PRKN: variants seen among roughly 807,000 people sequenced by gnomAD.
PRKN encodes the protein E3 ubiquitin-protein ligase parkin.
Under a neutral mutation model 59.5 loss-of-function variants are expected in PRKN, and 56 were observed. The ratio of observed to expected loss-of-function variants is 0.94; its 90% CI spans 0.76 to 1.18. PRKN has a LOEUF of 1.18. Among genes scored for constraint, PRKN ranks in the 50% most tolerant of loss-of-function variants. PRKN has a pLI of 0.00. For synonymous variants in PRKN, 250 were observed against 222.1 expected, an observed-to-expected ratio of 1.13 and a Z score of -1.12; for missense variants, 657 against 596.4, an observed-to-expected ratio of 1.10 and a Z score of -1.06.
chr6:162,623,139 G>A (rs546505733), intron 1 of PRKN, among the ~76,000 whole-genome samples: 2 of 152,222 alleles, frequency 1.3e-5, no homozygotes, highest in Admixed American at 6.5e-5. Context: ...GATCTTGTTC[G>A]TTAGCTTCTT....
In PRKN at chr6:161,582,527, C is replaced by A. The variant is rs13211948; in HGVS notation, c.872-13111G>T. Among the ~76,000 whole-genome samples, 46,095 of 151,340 alleles carry A rather than the reference C, an allele frequency of 0.3. 7,855 individuals carry two copies. Among genetic ancestry groups the A allele is most frequent in the Middle Eastern group, 0.45 (131 of 288 alleles). On this transcript the variant is annotated intron_variant, in intron 7 of 11. Transcript: ENST00000366898. The surrounding 1 kb of genome is among the most constrained non-coding windows in gnomAD (Gnocchi z 4.4). ...CTGCAAGCTCCGCCTCCCAGGTTCA[C>A]GCCATTCTCCTGCCTCAGCCTCCCA... is the stretch of plus-strand genomic sequence containing the variant.
intron 5 of PRKN, among the ~76,000 whole-genome samples, chr6:162,045,720 G>A (rs1391520891): frequency 2.6e-5 from 4 of 152,192 alleles, no homozygotes; most frequent in Admixed American, 1.3e-4. Flanking sequence ...GATGAAGTGC[G>A]GGTCCCTGGG....
chr6:162,210,390 T>G (rs1411419728), intron 3 of PRKN, among the ~76,000 whole-genome samples: 1 of 152,130 alleles, frequency 6.6e-6, no homozygotes, highest in Non-Finnish European at 1.5e-5. Context: ...TTTATTTGTA[T>G]TTGCTGCCAA....
At chr6:161,831,165 C>T (rs926219103) in intron 6 of PRKN, among the ~76,000 whole-genome samples, 8 of 152,172 alleles carry the variant, frequency 5.3e-5, no homozygotes, top group Non-Finnish European at 8.8e-5. Context: ...TACTTTCTAA[C>T]CAAGAGATGC....
intron 7 of PRKN, among the ~76,000 whole-genome samples, chr6:161,585,468 A>G (rs1781488567): frequency 6.6e-6 from 1 of 152,220 alleles, no homozygotes; most frequent in African/African-American, 2.4e-5. Flanking sequence ...GATATGTCAT[A>G]CCAAAGAGAA....
intron 6 of PRKN, among the ~76,000 whole-genome samples, chr6:161,948,243 T>C (rs1472288831): frequency 6.6e-6 from 1 of 152,184 alleles, no homozygotes; most frequent in African/African-American, 2.4e-5. Context: ...CACCTCAGCC[T>C]CCCAAAGTGC....
rs144737029 is a variant in PRKN, at chr6:161,542,628, C to T, written c.1083+6226G>A. 1.7e-3 allele frequency among the ~76,000 whole-genome samples: 253 copies of T among 152,282 alleles called. 2 individuals are homozygous for T. Among genetic ancestry groups the T allele is most frequent in the African/African-American group, 5.9e-3 (245 of 41,564 alleles). ...ACACATGTCAAATAAACATGGACTG[C>T]ATATTTTTGACATTTCATAACACCA... On this transcript the variant is annotated intron_variant, in intron 9 of 11. Transcript: ENST00000366898.
At chr6:161,826,347 T>C (rs1792244999) in intron 6 of PRKN, among the ~76,000 whole-genome samples, 1 of 152,196 alleles carries the variant, frequency 6.6e-6, no homozygotes, top group South Asian at 2.1e-4. Context: ...AAAATGAGCT[T>C]TATTTTGATA....
At chr6:161,777,323 A>G (rs1022044582) in intron 7 of PRKN, among the ~76,000 whole-genome samples, 1 of 152,152 alleles carries the variant, frequency 6.6e-6, no homozygotes, top group African/African-American at 2.4e-5. Flanking sequence ...ATGAGTTCAC[A>G]CTAGGAGAGC....
intron 1 of PRKN, among the ~76,000 whole-genome samples, chr6:162,681,915 CCTTT>C (rs1386892601): frequency 6.6e-6 from 1 of 151,880 alleles, no homozygotes; most frequent in Non-Finnish European, 1.5e-5. Context: ...TTCATTCTTT[CCTTT>C]CTTTGTTTGT....
At chr6:161,902,550 T>TATCTATCTATGTATCTATC (rs1554245408) in intron 6 of PRKN, among the ~76,000 whole-genome samples, 1 of 101,360 alleles carries the variant, frequency 9.9e-6, no homozygotes. Flanking sequence ...ATCTATCTAT[T>TATCTATCTATGTATCTATC]TATTTATTTA....
At chr6:162,050,528 T>C (rs573455254) in intron 5 of PRKN, among the ~76,000 whole-genome samples, 9 of 152,028 alleles carry the variant, frequency 5.9e-5, no homozygotes, top group African/African-American at 2.2e-4. Context: ...ATCCCTTGAA[T>C]GGTTATACTA....
chr6:161,466,992 C>T lies in PRKN; in HGVS notation c.1084-80115G>A, dbSNP rs546001662. 4.6e-5 allele frequency among the ~76,000 whole-genome samples: 7 copies of T among 152,168 alleles called. No homozygotes were observed. The highest frequency in any genetic ancestry group is 1.0e-4 in the Non-Finnish European group (7 of 68,038). On this transcript the variant is annotated intron_variant, in intron 9 of 11. Coordinates refer to ENST00000366898, the MANE Select transcript of PRKN (RefSeq NM_004562.3). The surrounding 1 kb of genome is among the most constrained non-coding windows in gnomAD (Gnocchi z 5.0). ...ATCAAGAGGTTCCTGTCTAGATTCG[C>T]GTCCTTATATACAAGCCAACTTCTC...
intron 9 of PRKN, among the ~76,000 whole-genome samples, chr6:161,433,244 T>C (rs142591279): frequency 6.6e-6 from 1 of 152,304 alleles, no homozygotes; most frequent in East Asian, 1.9e-4. Flanking sequence ...GAAATTCATA[T>C]TGAGGGCTGT....
intron 1 of PRKN, among the ~76,000 whole-genome samples, chr6:162,710,706 C>T (rs1778504672): frequency 6.6e-6 from 1 of 152,114 alleles, no homozygotes; most frequent in African/African-American, 2.4e-5. Flanking sequence ...AGAACTGCTG[C>T]AGAGGCCCCT....
chr6:162,402,619 G>A (rs1787850269), intron 2 of PRKN, among the ~76,000 whole-genome samples: 1 of 150,730 alleles, frequency 6.6e-6, no homozygotes, highest in Admixed American at 6.6e-5. Flanking sequence ...GTAGGGGTTT[G>A]TGTCTTTCCT....
intron 4 of PRKN, among the ~76,000 whole-genome samples, chr6:162,132,588 CGTT>C (rs1047291081): frequency 1.3e-5 from 2 of 151,996 alleles, no homozygotes; most frequent in Non-Finnish European, 2.9e-5. Flanking sequence ...ATAATAACGA[CGTT>C]GTAACTAGCA....
chr6:162,038,875 C>A (rs1283331229), intron 5 of PRKN, among the ~76,000 whole-genome samples: 1 of 152,154 alleles, frequency 6.6e-6, no homozygotes, highest in African/African-American at 2.4e-5. Flanking sequence ...TCCTTGCTGG[C>A]CGGGCGCGGT....
chr6:162,230,243 C>A (rs927369207), intron 3 of PRKN, among the ~76,000 whole-genome samples: 1 of 152,184 alleles, frequency 6.6e-6, no homozygotes, highest in African/African-American at 2.4e-5. Flanking sequence ...CCAGTGAATA[C>A]TCAAATTAAC....
Sources: allele counts gnomAD v4.1 joint callset (sites outside exome capture counted in the v4.1 genomes callset), GRCh38; gene constraint gnomAD v4.1.1; non-coding constraint Gnocchi (gnomAD v3.1); transcripts MANE v1.5; gene names NCBI Gene and HGNC (gene_info 2026-07-23, HGNC 2026-07-21).